Variants in ITLN1 observed in about 807,000 individuals in gnomAD.
The protein encoded by ITLN1 is intelectin 1, also known as intelectin-1.
In ITLN1, 29 loss-of-function variants were observed where a neutral mutation model predicts 36.2. That is an observed-to-expected ratio of 0.80 (90% confidence interval 0.60 to 1.09). ITLN1 has a LOEUF of 1.09. ITLN1 is among the 50% of genes least tolerant of loss of function. The pLI is 0.00. For missense variants in ITLN1, 358 were observed against 405.2 expected, an observed-to-expected ratio of 0.88 and a Z score of 1.00; for synonymous variants, 143 against 146.5, an observed-to-expected ratio of 0.98 and a Z score of 0.17.
chr1:160,883,089 A>C (rs901971748), intron 3 of ITLN1, among the ~76,000 whole-genome samples: 6 of 152,110 alleles, frequency 3.9e-5, no homozygotes, highest in African/African-American at 1.2e-4. Flanking sequence ...GCTGGTTTCA[A>C]ACTCCTGGCC....
chr1:160,878,405 A>G (rs6667400), intron 7 of ITLN1, among the ~76,000 whole-genome samples: 86,476 of 143,156 alleles, frequency 0.6, 27,110 homozygotes, highest in Non-Finnish European at 0.68. Context: ...TTTTTTATTG[A>G]GACAGGGTCT....
chr1:160,882,241 G>C (rs1481821709), intron 3 of ITLN1, 37 bp from the exon 4 acceptor site: 1 of 1,534,060 alleles, frequency 6.5e-7, no homozygotes, highest in South Asian at 1.3e-5. Context: ...CCCTGTCTGA[G>C]AGCTGAGGGT....
chr1:160,879,613 CCA>C (rs1341009315), intron 6 of ITLN1, among the ~76,000 whole-genome samples, 199 bp from the exon 7 acceptor site: 2 of 152,190 alleles, frequency 1.3e-5, no homozygotes, highest in Admixed American at 1.3e-4. Flanking sequence ...TTTCCCAACC[CCA>C]GAGATGAAGA....
At chr1:160,880,269 C>T (rs539395845) in intron 6 of ITLN1, among the ~76,000 whole-genome samples, 27 of 150,858 alleles carry the variant, frequency 1.8e-4, no homozygotes, top group African/African-American at 6.6e-4. Context: ...TGCGCCATTG[C>T]ACTCCAGCCT....
At chr1:160,876,924 A>G (rs913754919) in intron 7 of ITLN1, 108 bp from the exon 8 acceptor site, 2 of 1,116,944 alleles carry the variant, frequency 1.8e-6, no homozygotes, top group South Asian at 1.5e-5. Flanking sequence ...CAGACTCTCC[A>G]TTGACAGTGT....
At chr1:160,881,804 G>GAAAAAA (rs56380748) in intron 4 of ITLN1, among the ~76,000 whole-genome samples, 153 bp downstream of exon 4, 6 of 125,268 alleles carry the variant, frequency 4.8e-5, no homozygotes, top group African/African-American at 2.0e-4. Flanking sequence ...TCCGTCTCAA[G>GAAAAAA]AAAAAAAAAA....
At chr1:160,884,472 G>A (rs576484963) in intron 2 of ITLN1, among the ~76,000 whole-genome samples, 12 of 152,086 alleles carry the variant, frequency 7.9e-5, no homozygotes, top group African/African-American at 2.7e-4. Flanking sequence ...TTGTTGTAGA[G>A]AGGAAAACTG....
At chr1:160,877,579 C>A (rs1052002603) in intron 7 of ITLN1, among the ~76,000 whole-genome samples, 1 of 152,156 alleles carries the variant, frequency 6.6e-6, no homozygotes, top group Non-Finnish European at 1.5e-5. Flanking sequence ...CTCATTGACC[C>A]AGAACCTATT....
In ITLN1 at chr1:160,885,110, C is replaced by T; in HGVS notation, c.-56G>A. The T allele has an allele frequency of 2.2e-6, 1 of 451,886 alleles. No individual in the cohort carries two copies. The highest frequency in any genetic ancestry group is 4.5e-5 in the South Asian group (1 of 22,004). The allele number at this position is 451,886 out of a possible 1,614,324, so 28.0% of individuals were successfully genotyped here. A position where few individuals can be genotyped will look rare whatever the true frequency, so the allele number is the denominator to read the frequency against. ...TCCTTGGGTACAGAGAGCTCCTTCA[C>T]TCCCTCCCTCCACTGCGCCCTGGAG... On this transcript the variant is annotated 5_prime_UTR_variant, in exon 1 of 8. In the 5' UTR this introduces an upstream ATG that the reference lacks. Coordinates refer to ENST00000326245, the MANE Select transcript of ITLN1 (RefSeq NM_017625.3).
intron 4 of ITLN1, 29 bp from the exon 5 acceptor site, chr1:160,881,341 T>A: frequency 1.3e-6 from 2 of 1,548,560 alleles, no homozygotes; most frequent in East Asian, 4.6e-5. Context: ...TGAGCCTGAC[T>A]GGGCCAGGAG....
rs530022878 is a variant in ITLN1 at position 160,878,635 on chromosome 1, C to G, written c.789+676G>C. Among the ~76,000 whole-genome samples, 7 of 152,278 alleles carry G rather than the reference C, an allele frequency of 4.6e-5. No homozygotes were observed. The South Asian group carries it at 1.0e-3, about 23-fold the overall frequency. On this transcript the variant is annotated intron_variant, in intron 7 of 7. Transcript: ENST00000326245. ...TCCTGAACTCAAGAGATCCACCTGCCTTGCCTCGCAAAATACTGGGATTAC... is the reference window on the plus strand; with the variant it reads ...TCCTGAACTCAAGAGATCCACCTGCGTTGCCTCGCAAAATACTGGGATTAC...
At chr1:160,882,334 G>A (rs1670695232) in intron 3 of ITLN1, 130 bp from the exon 4 acceptor site, 12 of 1,190,188 alleles carry the variant, frequency 1.0e-5, no homozygotes, top group Non-Finnish European at 1.4e-5. Flanking sequence ...ATCACTAAGT[G>A]CTCCCAGGGG....
chr1:160,883,101 C>T (rs1412520452), intron 3 of ITLN1, among the ~76,000 whole-genome samples: 1 of 152,170 alleles, frequency 6.6e-6, no homozygotes, highest in Non-Finnish European at 1.5e-5. Context: ...CTCCTGGCCT[C>T]AACTGATCCA....
intron 2 of ITLN1, among the ~76,000 whole-genome samples, chr1:160,884,395 C>T (rs1361961176): frequency 6.6e-6 from 1 of 151,442 alleles, no homozygotes. Context: ...TCGAAACAGC[C>T]TTTTCTTTAA....
intron 5 of ITLN1, 132 bp from the exon 6 acceptor site, chr1:160,880,840 A>C: frequency 8.8e-7 from 1 of 1,133,134 alleles, no homozygotes; most frequent in Admixed American, 2.2e-5. Context: ...AAAACCAGTC[A>C]AAATAAGAAT....
chr1:160,880,376 C>T (rs892937362), intron 6 of ITLN1, among the ~76,000 whole-genome samples: 2 of 151,898 alleles, frequency 1.3e-5, no homozygotes, highest in African/African-American at 4.8e-5. Flanking sequence ...GCCTTGTGAT[C>T]TTCACAAGTT....
intron 4 of ITLN1, 117 bp from the exon 5 acceptor site, chr1:160,881,429 C>T (rs1048277239): frequency 3.3e-6 from 4 of 1,195,914 alleles, no homozygotes; most frequent in Non-Finnish European, 4.5e-6. Flanking sequence ...AGCAGATGGC[C>T]AACCATACTC....
rs1014572842 is a variant in ITLN1 at position 160,885,127 on chromosome 1, G to A, written c.-73C>T. 2.1e-5 allele frequency: 9 copies of A among 425,466 alleles called. No homozygotes were observed. The highest frequency in any genetic ancestry group is 5.1e-5 in the South Asian group (1 of 19,730). The allele number at this position is 425,466 out of a possible 1,614,324, so 26.4% of individuals were successfully genotyped here. A position where few individuals can be genotyped will look rare whatever the true frequency, so the allele number is the denominator to read the frequency against. ...CTCCTTCACTCCCTCCCTCCACTGC[G>A]CCCTGGAGCTCAACAGAGTGCAGCT... On this transcript the variant is annotated 5_prime_UTR_variant, in exon 1 of 8. Coordinates refer to ENST00000326245, the MANE Select transcript of ITLN1 (RefSeq NM_017625.3).
chr1:160,881,816 A>T, intron 4 of ITLN1, 141 bp downstream of exon 4: 1 of 1,232,886 alleles, frequency 8.1e-7, no homozygotes, highest in Non-Finnish European at 1.1e-6. Flanking sequence ...AAAAAAAAAA[A>T]AAAAAAAAAG....
Sources: gnomAD v4.1 joint callset for allele counts (sites outside exome capture counted in the v4.1 genomes callset) on GRCh38, gnomAD v4.1.1 for gene constraint, MANE v1.5 for transcripts, NCBI Gene and HGNC (gene_info 2026-07-23, HGNC 2026-07-21) for gene names.